The following CEP97 variants were observed in gnomAD, a reference collection of about 807,000 sequenced individuals.
The protein encoded by CEP97 is centrosomal protein 97.
Under a neutral mutation model 73.1 loss-of-function variants are expected in CEP97, and 43 were observed. The ratio of observed to expected loss-of-function variants is 0.59; its 90% confidence interval spans 0.46 to 0.76. The LOEUF is 0.76. Among genes scored for constraint, CEP97 ranks in the 30% least tolerant of loss-of-function variants. CEP97 has a pLI of 0.00. For synonymous variants in CEP97, 337 were observed against 370.0 expected, an observed-to-expected ratio of 0.91 and a Z score of 1.02; for missense variants, 939 against 1,014.0, an observed-to-expected ratio of 0.93 and a Z score of 1.00.
At chr3:101,732,754 CAA>C (rs1329231860) in intron 6 of CEP97, 100 bp downstream of exon 6, 33 of 1,038,270 alleles carry the variant, frequency 3.2e-5, no homozygotes, top group South Asian at 2.2e-4. Flanking sequence ...ATTTAGATAA[CAA>C]GAGTATTAGT....
chr3:101,725,534 C>T lies in CEP97; in HGVS notation c.43+815C>T, dbSNP rs200062076. Among the ~76,000 whole-genome samples the T allele has an allele frequency of 7.2e-5, 11 of 152,250 alleles. No homozygotes were observed. In the East Asian group the frequency reaches 1.9e-3, roughly 27 times the overall value. On this transcript the variant is annotated intron_variant, in intron 1 of 10. Coordinates refer to ENST00000341893, the MANE Select transcript of CEP97 (RefSeq NM_024548.4). Reference sequence around the variant, plus strand: ...GGTTCTCAGACCTCTCTGTCGACCCCTTGGAATTGTGTACAAAGGCTGTGC... The same window carrying T: ...GGTTCTCAGACCTCTCTGTCGACCCTTTGGAATTGTGTACAAAGGCTGTGC...
At chr3:101,746,648 C>T (rs1214105075) in intron 6 of CEP97, among the ~76,000 whole-genome samples, 3 of 151,976 alleles carry the variant, frequency 2.0e-5, no homozygotes, top group African/African-American at 7.3e-5. Flanking sequence ...ACACCAAAAG[C>T]AATGGCAACA....
chr3:101,747,361 G>A (rs1163630501), intron 6 of CEP97, among the ~76,000 whole-genome samples: 2 of 150,630 alleles, frequency 1.3e-5, no homozygotes, highest in Non-Finnish European at 2.9e-5. Flanking sequence ...CCGTATTCTG[G>A]CCATTCTCCT....
Position 101,732,383 on chromosome 3 carries a change from GA to G in CEP97, c.562-102del, listed in dbSNP as rs1377369222. ...ACTTGTCACTTTTCAGAACAAGAGG[GA>G]AATTATCACATTCTCAAATGCTGCC... On this transcript the variant is annotated intron_variant, in intron 5 of 10. Coordinates refer to ENST00000341893, the MANE Select transcript of CEP97 (RefSeq NM_024548.4). The G allele has an allele frequency of 2.7e-5, 21 of 765,522 alleles. No homozygotes were observed. The African/African-American group carries it at 3.1e-4, about 11-fold the overall frequency. 47.4% of individuals were successfully genotyped at this position (765,522 alleles called of 1,614,324 possible). A position where few individuals can be genotyped will look rare whatever the true frequency, so the allele number is the denominator to read the frequency against.
chr3:101,752,532 TA>T (rs1393048792), intron 6 of CEP97, among the ~76,000 whole-genome samples: 5 of 152,238 alleles, frequency 3.3e-5, no homozygotes, highest in Admixed American at 3.3e-4. Context: ...TCAGGTACAC[TA>T]ATCAGACCTA....
At chr3:101,750,169 G>T (rs1938760701) in intron 6 of CEP97, among the ~76,000 whole-genome samples, 3 of 142,728 alleles carry the variant, frequency 2.1e-5, no homozygotes, top group African/African-American at 7.8e-5. Context: ...ATTGATTTTT[G>T]TATAAGGTGT....
chr3:101,730,132 AG>A (rs1245632840), intron 4 of CEP97, among the ~76,000 whole-genome samples: 2 of 151,904 alleles, frequency 1.3e-5, no homozygotes, highest in Non-Finnish European at 2.9e-5. Flanking sequence ...TATGTTGTCT[AG>A]ACTGGTCTCA....
Position 101,768,251 on chromosome 3 carries a change from T to C in CEP97, c.*2700T>C, listed in dbSNP as rs527435492. ...AGCACAGCATGTTAAATGACTTGTC[T>C]AAGTTATAGCTAGTTAGTAGTAAAT... On this transcript the variant is annotated 3_prime_UTR_variant, in exon 11 of 11. Coordinates refer to ENST00000341893, the MANE Select transcript of CEP97 (RefSeq NM_024548.4). 6.6e-6 allele frequency: 1 copy of C among 152,268 alleles called. No homozygotes were observed. The highest frequency in any genetic ancestry group is 2.1e-4 in the South Asian group (1 of 4,834). 9.4% of individuals were successfully genotyped at this position (152,268 alleles called of 1,614,324 possible).
chr3:101,757,093 C>T lies in CEP97; in HGVS notation c.924C>T (p.Ser308=). 6.2e-7 allele frequency: 1 copy of T among 1,611,866 alleles called. No homozygotes were observed. The highest frequency in any genetic ancestry group is 8.5e-7 in the Non-Finnish European group (1 of 1,179,220). Residue 308 remains serine, a synonymous_variant, in exon 8 of 11, where the codon AGC becomes AGT. Transcript: ENST00000341893. ...ACCAGAGGCAGTTGATGAACCAAAG[C>T]CAAAATGAAGAGTTGTCTCCTCTTG... ...RFHQRQLMNQ[S]QNEELSPLVP... is the part of the protein sequence containing the mutation.
At chr3:101,750,398 C>G (rs1938769055) in intron 6 of CEP97, among the ~76,000 whole-genome samples, 2 of 151,654 alleles carry the variant, frequency 1.3e-5, no homozygotes, top group Admixed American at 1.3e-4. Context: ...GTTACTGTAG[C>G]CTTGTAGTAT....
intron 3 of CEP97, 83 bp from the exon 4 acceptor site, chr3:101,728,751 ACT>A (rs1296331914): frequency 1.8e-5 from 15 of 845,314 alleles, no homozygotes; most frequent in African/African-American, 3.4e-5. Context: ...GAGGGAAGAC[ACT>A]CTTTCAGCTG....
chr3:101,731,803 C>G, intron 4 of CEP97, 37 bp from the exon 5 acceptor site: 1 of 1,199,826 alleles, frequency 8.3e-7, no homozygotes, highest in South Asian at 1.3e-5. Context: ...TATTTGTAAT[C>G]TTTTCATTTG....
intron 4 of CEP97, among the ~76,000 whole-genome samples, chr3:101,730,168 C>T (rs986925665): frequency 6.6e-6 from 1 of 152,164 alleles, no homozygotes; most frequent in African/African-American, 2.4e-5. Context: ...AGCAGTCCTC[C>T]TGCCTCAGTC....
At chr3:101,751,670 A>C (rs1221043078) in intron 6 of CEP97, among the ~76,000 whole-genome samples, 1 of 152,056 alleles carries the variant, frequency 6.6e-6, no homozygotes, top group Admixed American at 6.6e-5. Flanking sequence ...TTATGTAATG[A>C]CCTTCTTTGT....
At chr3:101,763,433 C>T (rs1939221323) in intron 10 of CEP97, among the ~76,000 whole-genome samples, 6 of 151,944 alleles carry the variant, frequency 3.9e-5, no homozygotes. Flanking sequence ...GCATTACAGC[C>T]TTGAACTCCT....
At chr3:101,750,517 A>C (rs1009849886) in intron 6 of CEP97, among the ~76,000 whole-genome samples, 3 of 152,168 alleles carry the variant, frequency 2.0e-5, no homozygotes, top group African/African-American at 7.2e-5. Flanking sequence ...CTCTGGTAGA[A>C]TTTGGCTGTG....
intron 9 of CEP97, 60 bp downstream of exon 9, chr3:101,758,483 A>G (rs1234534336): frequency 1.3e-6 from 2 of 1,577,418 alleles, no homozygotes; most frequent in Non-Finnish European, 1.7e-6. Flanking sequence ...AGATTCTTAT[A>G]GTTGATTCAG....
chr3:101,749,397 T>G (rs1168331495), intron 6 of CEP97, among the ~76,000 whole-genome samples: 1 of 138,564 alleles, frequency 7.2e-6, no homozygotes, highest in African/African-American at 2.7e-5. Context: ...TCTATCATTG[T>G]TGGACATTTG....
chr3:101,724,675 A>T lies in CEP97; in HGVS notation c.-2A>T. ...GCCTGGTATTATTAGCAAGCAGCAA[A>T]TATGGCGGTGGCGCGCGTGGACGCG... On this transcript the variant is annotated 5_prime_UTR_variant, in exon 1 of 11. Transcript: ENST00000341893. The T allele has an allele frequency of 6.2e-7, 1 of 1,614,214 alleles. No homozygotes were observed. The highest frequency in any genetic ancestry group is 8.5e-7 in the Non-Finnish European group (1 of 1,180,028).
Sources: gnomAD v4.1 joint callset for allele counts (sites outside exome capture counted in the v4.1 genomes callset) on GRCh38, gnomAD v4.1.1 for gene constraint, MANE v1.5 for transcripts, NCBI Gene and HGNC (gene_info 2026-07-23, HGNC 2026-07-21) for gene names.